Variants in DOCK2 observed in about 807,000 individuals in gnomAD.
DOCK2 encodes dedicator of cytokinesis 2, also known as dedicator of cytokinesis protein 2.
Under a neutral mutation model 248.9 loss-of-function variants are expected in DOCK2, and 87 were observed. The ratio of observed to expected loss-of-function variants is 0.35; its 90% CI spans 0.29 to 0.42. The LOEUF (loss-of-function observed/expected upper bound fraction) is 0.42. Ranked by LOEUF, DOCK2 falls within the 10% of genes least tolerant of loss-of-function variation. The pLI is 1.00. For synonymous variants in DOCK2, 805 were observed against 821.6 expected, an observed-to-expected ratio of 0.98 and a Z score of 0.35; for missense variants, 1,747 against 2,300.2, an observed-to-expected ratio of 0.76 and a Z score of 4.92.
chr5:169,947,302 G>C (rs1776488780), intron 27 of DOCK2, among the ~76,000 whole-genome samples: 1 of 152,206 alleles, frequency 6.6e-6, no homozygotes, highest in Non-Finnish European at 1.5e-5. Context: ...AGAGGAGATG[G>C]GTCTTGGAAT....
At chr5:169,926,789 T>C (rs1180611480) in intron 27 of DOCK2, among the ~76,000 whole-genome samples, 2 of 152,218 alleles carry the variant, frequency 1.3e-5, no homozygotes, top group Non-Finnish European at 2.9e-5. Context: ...TAGTTACTTA[T>C]TGAGCTTTTA....
chr5:169,834,745 C>T (rs907610761), intron 26 of DOCK2, among the ~76,000 whole-genome samples: 1 of 152,242 alleles, frequency 6.6e-6, no homozygotes, highest in Admixed American at 6.6e-5. Flanking sequence ...ACAAGCCCTA[C>T]TCACATGCTC....
chr5:170,039,862 A>G (rs1045975286), intron 36 of DOCK2, among the ~76,000 whole-genome samples: 1 of 152,228 alleles, frequency 6.6e-6, no homozygotes, highest in Non-Finnish European at 1.5e-5. Context: ...CTCCTCTCAC[A>G]TGAAGAAATT....
intron 25 of DOCK2, among the ~76,000 whole-genome samples, chr5:169,771,482 C>T (rs1009100877): frequency 2.0e-5 from 3 of 152,084 alleles, no homozygotes; most frequent in South Asian, 2.1e-4. Flanking sequence ...CAGGTTTCAC[C>T]GTGTTGGTCA....
intron 27 of DOCK2, among the ~76,000 whole-genome samples, chr5:169,969,867 ATT>A (rs1777437370): frequency 6.6e-6 from 1 of 152,238 alleles, no homozygotes; most frequent in South Asian, 2.1e-4. Flanking sequence ...ATAGACTGGG[ATT>A]GCTGGATCTT....
chr5:169,943,743 G>A lies in DOCK2; in HGVS notation c.2800-39325G>A, dbSNP rs984605699. 2.6e-5 allele frequency among the ~76,000 whole-genome samples: 4 copies of A among 152,208 alleles called. No individual in the cohort carries two copies. In the South Asian group the frequency reaches 8.3e-4, roughly 32 times the overall value. ...GCTTGTTAGAAATGCACATTCTCAG[G>A]CCCTTCCCAGGCCTACTGATTCAGA... On this transcript the variant is annotated intron_variant, in intron 27 of 51. Transcript: ENST00000520908.
chr5:169,957,653 G>A (rs527644954), intron 27 of DOCK2, among the ~76,000 whole-genome samples: 7 of 152,156 alleles, frequency 4.6e-5, no homozygotes, highest in East Asian at 1.9e-4. Context: ...GGCAATGCGC[G>A]AGGAAGCCTC....
At chr5:169,722,403 C>G (rs1187031757) in intron 22 of DOCK2, among the ~76,000 whole-genome samples, 2 of 152,242 alleles carry the variant, frequency 1.3e-5, no homozygotes, top group African/African-American at 4.8e-5. Context: ...AACCAGAACA[C>G]TGTGCTGCAA....
chr5:169,657,576 A>C (rs1758193248), intron 2 of DOCK2, among the ~76,000 whole-genome samples: 1 of 152,230 alleles, frequency 6.6e-6, no homozygotes, highest in African/African-American at 2.4e-5. Flanking sequence ...TGTAGAAGGG[A>C]CAAACATAAA....
At chr5:170,037,897 T>G (rs933000445) in intron 36 of DOCK2, among the ~76,000 whole-genome samples, 4 of 152,226 alleles carry the variant, frequency 2.6e-5, no homozygotes, top group African/African-American at 9.6e-5. Context: ...AGGGCTTTTG[T>G]CACATTCTGT....
intron 14 of DOCK2, 29 bp from the exon 15 acceptor site, chr5:169,708,140 T>C: frequency 6.2e-7 from 1 of 1,609,220 alleles, no homozygotes; most frequent in Non-Finnish European, 8.5e-7. Context: ...TCTGTAGTCT[T>C]TTCCCTCACT....
chr5:170,037,480 ATTTT>A (rs370462327), intron 36 of DOCK2, among the ~76,000 whole-genome samples: 28 of 134,448 alleles, frequency 2.1e-4, no homozygotes, highest in African/African-American at 7.1e-4. Context: ...ACAAAAACAA[ATTTT>A]TTTTTTTTTT....
At chr5:170,072,198 G>T (rs1757700251) in intron 46 of DOCK2, among the ~76,000 whole-genome samples, 1 of 152,118 alleles carries the variant, frequency 6.6e-6, no homozygotes, top group Non-Finnish European at 1.5e-5. Context: ...CATAGGTACT[G>T]CCAATCTTCT....
At chr5:169,799,221 T>C (rs1766827123) in intron 25 of DOCK2, among the ~76,000 whole-genome samples, 1 of 152,370 alleles carries the variant, frequency 6.6e-6, no homozygotes, top group East Asian at 1.9e-4. Flanking sequence ...AGACTTTCTG[T>C]TGTATTTTAA....
chr5:169,697,506 T>C (rs1251693285), intron 10 of DOCK2, among the ~76,000 whole-genome samples: 2 of 152,206 alleles, frequency 1.3e-5, no homozygotes, highest in Non-Finnish European at 2.9e-5. Flanking sequence ...GATGATTATC[T>C]GATCTACCAG....
intron 26 of DOCK2, among the ~76,000 whole-genome samples, chr5:169,820,806 C>T (rs552823960): frequency 5.3e-5 from 8 of 152,104 alleles, no homozygotes; most frequent in East Asian, 3.9e-4. Context: ...AGGCTTCAGA[C>T]GATCAAACTA....
intron 27 of DOCK2, among the ~76,000 whole-genome samples, chr5:169,852,383 T>A (rs998819569): frequency 1.3e-5 from 2 of 152,226 alleles, no homozygotes; most frequent in Non-Finnish European, 2.9e-5. Flanking sequence ...ATTTGGGCGT[T>A]GGCTGAGTAC....
intron 22 of DOCK2, among the ~76,000 whole-genome samples, chr5:169,727,195 AT>A (rs1212601338): frequency 2.6e-5 from 4 of 152,208 alleles, no homozygotes; most frequent in African/African-American, 9.6e-5. Context: ...TCTCTTCAGT[AT>A]CATTTATGAA....
intron 32 of DOCK2, among the ~76,000 whole-genome samples, chr5:170,009,414 A>C (rs1328340995): frequency 6.6e-6 from 1 of 152,194 alleles, no homozygotes; most frequent in African/African-American, 2.4e-5. Context: ...AACTTGCTTG[A>C]AATCAAACAG....
Sources: allele counts gnomAD v4.1 joint callset (sites outside exome capture counted in the v4.1 genomes callset), GRCh38; gene constraint gnomAD v4.1.1; transcripts MANE v1.5; gene names NCBI Gene and HGNC (gene_info 2026-07-23, HGNC 2026-07-21).